Variants in VWC2L observed in about 807,000 individuals in gnomAD.
VWC2L encodes von Willebrand factor C domain containing 2 like, also known as von Willebrand factor C domain-containing protein 2-like.
In VWC2L, 10 loss-of-function variants were observed where a neutral mutation model predicts 21.6. That is an observed-to-expected ratio of 0.46 (90% CI 0.29 to 0.78). The LOEUF is 0.78. Ranked by LOEUF, VWC2L falls within the 30% of genes least tolerant of loss-of-function variation. The probability of loss-of-function intolerance (pLI) is 0.10; values close to 1 mark genes in which losing one functional copy is unlikely to be tolerated. For synonymous variants in VWC2L, 96 were observed against 94.3 expected, an observed-to-expected ratio of 1.02 and a Z score of -0.10; for missense variants, 209 against 277.1, an observed-to-expected ratio of 0.75 and a Z score of 1.74.
chr2:214,536,635 ATCTTATGT>A (rs1011431140), intron 3 of VWC2L: 37 of 152,166 alleles, frequency 2.4e-4, no homozygotes, highest in East Asian at 1.5e-3. Context: ...ATTAGCATTA[ATCTTATGT>A]TCTTATTATC....
At chr2:214,485,569 T>TAGGGCCCAGCACAC (rs1688662892) in intron 3 of VWC2L, among the ~76,000 whole-genome samples, 1 of 152,198 alleles carries the variant, frequency 6.6e-6, no homozygotes, top group African/African-American at 2.4e-5. Context: ...TCACTTAGCT[T>TAGGGCCCAGCACAC]AGGGCCCAGC....
chr2:214,419,321 T>C (rs939463681), intron 2 of VWC2L, among the ~76,000 whole-genome samples: 10 of 152,206 alleles, frequency 6.6e-5, no homozygotes, highest in African/African-American at 2.2e-4. Context: ...TACATTATAA[T>C]AGCAGTTTCT....
intron 3 of VWC2L, among the ~76,000 whole-genome samples, chr2:214,443,737 C>T (rs1391516573): frequency 6.6e-6 from 1 of 152,018 alleles, no homozygotes; most frequent in Non-Finnish European, 1.5e-5. Flanking sequence ...TAGGTAAACA[C>T]TAAAGAAATT....
chr2:214,571,789 A>T (rs916095984), intron 3 of VWC2L, among the ~76,000 whole-genome samples: 5 of 151,720 alleles, frequency 3.3e-5, no homozygotes, highest in African/African-American at 1.2e-4. Context: ...ATTCATATTC[A>T]TTCTCTCTCT....
chr2:214,430,412 G>T (rs1702582823), intron 2 of VWC2L, among the ~76,000 whole-genome samples: 1 of 152,084 alleles, frequency 6.6e-6, no homozygotes, highest in Non-Finnish European at 1.5e-5. Context: ...CAAAATATGT[G>T]TTTACAAATA....
chr2:214,495,825 CT>C (rs2126203091), intron 3 of VWC2L, among the ~76,000 whole-genome samples: 1 of 152,276 alleles, frequency 6.6e-6, no homozygotes, highest in East Asian at 1.9e-4. Flanking sequence ...AGCATAACCT[CT>C]TTCTGAAATC....
chr2:214,525,728 A>G (rs1689322686), intron 3 of VWC2L, among the ~76,000 whole-genome samples: 1 of 152,226 alleles, frequency 6.6e-6, no homozygotes, highest in Non-Finnish European at 1.5e-5. Context: ...CAATAACATT[A>G]AGGTTAATAG....
intron 3 of VWC2L, among the ~76,000 whole-genome samples, chr2:214,546,747 G>T (rs1407708212): frequency 6.6e-6 from 1 of 152,028 alleles, no homozygotes; most frequent in Non-Finnish European, 1.5e-5. Flanking sequence ...CAAACACCAA[G>T]AACACTGAAT....
In VWC2L at chr2:214,411,231, T is replaced by C. The variant is rs1254812027; in HGVS notation, c.-636T>C. On this transcript the variant is annotated 5_prime_UTR_variant, in exon 1 of 4. Transcript: ENST00000312504. ...GCTAAAGTTGCTCCTTTCCTTCACA[T>C]CCACAGTTAGTATTTTCCGGTGTGT... 1 of 152,194 alleles carries C rather than the reference T, an allele frequency of 6.6e-6. No homozygotes were observed. The highest frequency in any genetic ancestry group is 1.9e-4 in the East Asian group (1 of 5,188). The allele number at this position is 152,194 out of a possible 1,614,324, so 9.4% of individuals were successfully genotyped here.
At chr2:214,469,472 G>A (rs911840773) in intron 3 of VWC2L, among the ~76,000 whole-genome samples, 7 of 152,176 alleles carry the variant, frequency 4.6e-5, no homozygotes, top group Non-Finnish European at 1.0e-4. Flanking sequence ...GCGGGCGCCT[G>A]TAGTCCCAGT....
At chr2:214,509,433 T>C (rs1241763057) in intron 3 of VWC2L, among the ~76,000 whole-genome samples, 1 of 150,230 alleles carries the variant, frequency 6.7e-6, no homozygotes, top group Non-Finnish European at 1.5e-5. Context: ...AGAATTTTTT[T>C]TTCTACTTCT....
chr2:214,516,423 G>C (rs1447195259), intron 3 of VWC2L, among the ~76,000 whole-genome samples: 1 of 152,066 alleles, frequency 6.6e-6, no homozygotes, highest in East Asian at 1.9e-4. Flanking sequence ...TGAATCAACT[G>C]TTTCTGTGGG....
At chr2:214,562,185 TG>T (rs971165202) in intron 3 of VWC2L, among the ~76,000 whole-genome samples, 117 of 152,146 alleles carry the variant, frequency 7.7e-4, no homozygotes, top group African/African-American at 2.7e-3. Context: ...CAGTGTGTGT[TG>T]TTCCCCTCCA....
chr2:214,560,395 A>C (rs1689948019), intron 3 of VWC2L, among the ~76,000 whole-genome samples: 1 of 152,118 alleles, frequency 6.6e-6, no homozygotes, highest in Non-Finnish European at 1.5e-5. Flanking sequence ...TGTCTGTAGT[A>C]ATGTTCCACT....
chr2:214,539,254 T>C (rs1689589845), intron 3 of VWC2L, among the ~76,000 whole-genome samples: 1 of 152,126 alleles, frequency 6.6e-6, no homozygotes, highest in African/African-American at 2.4e-5. Context: ...CCAATTGGCA[T>C]CAAGGGAAAC....
intron 3 of VWC2L, among the ~76,000 whole-genome samples, chr2:214,505,726 T>C (rs1463286823): frequency 6.6e-6 from 1 of 152,136 alleles, no homozygotes; most frequent in African/African-American, 2.4e-5. Flanking sequence ...TGGCCCTGTA[T>C]TCAATTCAAT....
At chr2:214,455,905 T>G (rs781744514) in intron 3 of VWC2L, among the ~76,000 whole-genome samples, 5 of 152,208 alleles carry the variant, frequency 3.3e-5, no homozygotes, top group Non-Finnish European at 7.4e-5. Flanking sequence ...AGTATTTCAT[T>G]GTGTACAGAT....
At chr2:214,444,870 TG>T (rs1281385319) in intron 3 of VWC2L, among the ~76,000 whole-genome samples, 4 of 152,016 alleles carry the variant, frequency 2.6e-5, no homozygotes, top group African/African-American at 9.6e-5. Flanking sequence ...AAATTTAAGT[TG>T]GATTAAAATT....
intron 3 of VWC2L, among the ~76,000 whole-genome samples, chr2:214,543,443 A>T (rs1305060904): frequency 6.6e-6 from 1 of 152,238 alleles, no homozygotes; most frequent in Non-Finnish European, 1.5e-5. Context: ...AAGTCAACCA[A>T]GATAATCTAA....
Sources: gnomAD v4.1 joint callset for allele counts (sites outside exome capture counted in the v4.1 genomes callset) on GRCh38, gnomAD v4.1.1 for gene constraint, MANE v1.5 for transcripts, NCBI Gene and HGNC (gene_info 2026-07-23, HGNC 2026-07-21) for gene names.